Variants in SMC1B observed in about 807,000 individuals in gnomAD.
The protein encoded by SMC1B is structural maintenance of chromosomes protein 1B.
Under a neutral mutation model 157.9 loss-of-function variants are expected in SMC1B, and 60 were observed. The ratio of observed to expected loss-of-function variants is 0.38; its 90% CI spans 0.31 to 0.47. SMC1B has a LOEUF of 0.47. SMC1B is among the 20% of genes least tolerant of loss of function. SMC1B has a pLI of 0.99. For missense variants in SMC1B, 1,165 were observed against 1,426.2 expected (o/e 0.82, Z 2.95); for synonymous variants, 445 against 483.0 (o/e 0.92, Z 1.03).
At chr22:45,406,997 T>A (rs1266581658) in intron 2 of SMC1B, 132 bp from the exon 3 acceptor site, 3 of 605,240 alleles carry the variant, frequency 5.0e-6, no homozygotes, top group Non-Finnish European at 8.2e-6. Flanking sequence ...TGGGAATAAA[T>A]GCATTTAATG....
chr22:45,396,276 G>T, intron 7 of SMC1B, 70 bp downstream of exon 7: 3 of 1,354,512 alleles, frequency 2.2e-6, no homozygotes, highest in Non-Finnish European at 3.1e-6. Flanking sequence ...TCATTCTGGA[G>T]ACAGGTACAA....
intron 15 of SMC1B, among the ~76,000 whole-genome samples, chr22:45,366,487 CAGA>C (rs528767864): frequency 1.6e-3 from 248 of 152,274 alleles, no homozygotes; most frequent in Non-Finnish European, 2.8e-3. Context: ...AAGTTTACCT[CAGA>C]AGAAGAAATA....
intron 9 of SMC1B, 47 bp from the exon 10 acceptor site, chr22:45,389,944 A>ACTCT: frequency 4.1e-6 from 6 of 1,446,692 alleles, no homozygotes; most frequent in Non-Finnish European, 5.7e-6. Context: ...TATTAGAGTG[A>ACTCT]AATATATAAT....
chr22:45,350,252 TTC>T (rs908083867), intron 22 of SMC1B, among the ~76,000 whole-genome samples: 11 of 106,092 alleles, frequency 1.0e-4, no homozygotes, highest in South Asian at 5.9e-4. Flanking sequence ...GTCTCCTGAG[TTC>T]TTTTTTTTTT....
chr22:45,346,736 A>AG (rs35098277), intron 23 of SMC1B, among the ~76,000 whole-genome samples: 1 of 152,216 alleles, frequency 6.6e-6, no homozygotes, highest in African/African-American at 2.4e-5. Context: ...TAGGAAAAGA[A>AG]GGGGAGATAG....
At chr22:45,347,883 C>T (rs779727002) in intron 23 of SMC1B, among the ~76,000 whole-genome samples, 1 of 152,194 alleles carries the variant, frequency 6.6e-6, no homozygotes, top group African/African-American at 2.4e-5. Context: ...GAATCAGAAC[C>T]AGGAGAACCT....
rs1446490824 is a variant in SMC1B at position 45,383,477 on chromosome 22, T to C, written c.2048A>G (p.Gln683Arg). The change falls in exon 12 of 25, where the codon CAA becomes CGA. Residue 683 changes from glutamine to arginine, a missense_variant. Gln to Arg is a conservative substitution (Grantham distance 43). Transcript: ENST00000357450. ...ATGACATGGATTTACCTTTAGCTCT[T>C]GGATTTTCTGGCTTCGTCTGTCTCT... ...NLRDRRSQKI[Q>R]ELKGLMKTLR... 2 of 1,596,280 alleles carry C rather than the reference T, an allele frequency of 1.3e-6. No individual in the cohort carries two copies. Among genetic ancestry groups the C allele is most frequent in the South Asian group, 1.1e-5 (1 of 88,136 alleles).
At chr22:45,378,426 T>A (rs1004879230) in intron 12 of SMC1B, among the ~76,000 whole-genome samples, 5 of 152,198 alleles carry the variant, frequency 3.3e-5, no homozygotes, top group Non-Finnish European at 7.4e-5. Context: ...TTAACAGATA[T>A]TTTTAACAGT....
intron 23 of SMC1B, among the ~76,000 whole-genome samples, chr22:45,349,517 G>A (rs4823213): frequency 1.7e-3 from 18 of 10,392 alleles, no homozygotes; most frequent in African/African-American, 3.9e-3. Flanking sequence ...TGTATTTTTA[G>A]TAGAGACGGA....
At chr22:45,363,699 A>G (rs2086743892) in intron 15 of SMC1B, among the ~76,000 whole-genome samples, 1 of 39,002 alleles carries the variant, frequency 2.6e-5, no homozygotes, top group South Asian at 1.5e-3. Flanking sequence ...CAGATACAAA[A>G]AAAATTCTTT....
At chr22:45,382,887 A>T (rs1264640005) in intron 12 of SMC1B, among the ~76,000 whole-genome samples, 1 of 152,216 alleles carries the variant, frequency 6.6e-6, no homozygotes, top group Non-Finnish European at 1.5e-5. Flanking sequence ...TAATCCCAGC[A>T]CTTTGGGAGG....
At position 45,349,775 on chromosome 22, in the gene SMC1B, C is replaced by T. The variant is rs1432659173; in HGVS notation, c.3448G>A (p.Val1150Ile). ...VHSFRPAPFF[V>I]LDEVDAALDN... is the part of the protein sequence containing the mutation. ...AGGGCTGCATCCACTTCATCTAAAACAAAGAATGGGGCAGGACGAAAACTA... is the reference window on the plus strand; with the variant it reads ...AGGGCTGCATCCACTTCATCTAAAATAAAGAATGGGGCAGGACGAAAACTA... The change falls in exon 23 of 25, where the codon GTT becomes ATT. Residue 1150 changes from valine to isoleucine, a missense_variant. Val to Ile is a conservative substitution (Grantham distance 29, BLOSUM62 3). Coordinates refer to ENST00000357450, the MANE Select transcript of SMC1B (RefSeq NM_148674.5). 1 of 1,611,568 alleles carries T rather than the reference C, an allele frequency of 6.2e-7. No individual in the cohort carries two copies.
Position 45,399,282 on chromosome 22 carries a change from A to G in SMC1B, c.926T>C (p.Leu309Pro). 1 of 1,613,940 alleles carries G rather than the reference A, an allele frequency of 6.2e-7. No individual in the cohort carries two copies. The highest frequency in any genetic ancestry group is 8.5e-7 in the Non-Finnish European group (1 of 1,179,856). Residue 309 changes from leucine (L) to proline (P), a missense_variant, in exon 6 of 25, where the codon CTT (leucine) becomes CCT (proline). By Grantham distance (98) the Leu-to-Pro change is moderately conservative (BLOSUM62 -3). Transcript: ENST00000357450. The part of the protein sequence containing the change: ...IKAKENTSHH[L>P]KKLDVAKKSI... ...TTTCTTAGCCACATCTAATTTCTTA[A>G]GGTGGTGAGAAGTGTTTTCTTTGGC...
intron 17 of SMC1B, 138 bp downstream of exon 17, chr22:45,361,701 T>C (rs1464756425): frequency 1.0e-5 from 8 of 801,010 alleles, no homozygotes; most frequent in Admixed American, 5.2e-5. Context: ...AAAATTACAA[T>C]GTTTGAAGGG....
chr22:45,379,715 T>C (rs1171831268), intron 12 of SMC1B, among the ~76,000 whole-genome samples: 1 of 143,914 alleles, frequency 6.9e-6, no homozygotes, highest in Non-Finnish European at 1.5e-5. Flanking sequence ...CTTTCCTTTT[T>C]CTTTTTACTT....
intron 10 of SMC1B, among the ~76,000 whole-genome samples, chr22:45,387,272 AC>A (rs1222240469): frequency 6.6e-6 from 1 of 152,038 alleles, no homozygotes; most frequent in African/African-American, 2.4e-5. Context: ...ACATGGTGAA[AC>A]CCTGCCTCTA....
At chr22:45,350,280 A>T (rs5765264) in intron 22 of SMC1B, among the ~76,000 whole-genome samples, 46 of 106,630 alleles carry the variant, frequency 4.3e-4, no homozygotes, top group African/African-American at 1.3e-3. Context: ...AATTTTTTTT[A>T]AATTTTTTTA....
At chr22:45,380,104 T>C (rs1054309427) in intron 12 of SMC1B, among the ~76,000 whole-genome samples, 2 of 152,218 alleles carry the variant, frequency 1.3e-5, no homozygotes, top group Non-Finnish European at 2.9e-5. Flanking sequence ...AATTTGCTTA[T>C]TGGCAGATCC....
At chr22:45,383,736 TA>T in intron 11 of SMC1B, 123 bp from the exon 12 acceptor site, 1 of 741,588 alleles carries the variant, frequency 1.3e-6, no homozygotes, top group Non-Finnish European at 2.0e-6. Context: ...TGAACTTTAC[TA>T]ATAAAATATC....
Sources: allele counts gnomAD v4.1 joint callset (sites outside exome capture counted in the v4.1 genomes callset), GRCh38; gene constraint gnomAD v4.1.1; transcripts MANE v1.5; gene names NCBI Gene and HGNC (gene_info 2026-07-23, HGNC 2026-07-21).